The following SERPINB12 variants were observed in gnomAD, a reference collection of about 807,000 sequenced individuals.
The protein encoded by SERPINB12 is serpin family B member 12.
Under a neutral mutation model 41.1 loss-of-function variants are expected in SERPINB12, and 57 were observed. That is an observed-to-expected ratio of 1.39 (90% CI 1.12 to 1.73). The LOEUF is 1.73. Among genes scored for constraint, SERPINB12 ranks in the 40% most tolerant of loss-of-function variants. SERPINB12 has a pLI of 0.00. For missense variants in SERPINB12, 536 were observed against 501.9 expected, an observed-to-expected ratio of 1.07 and a Z score of -0.65; for synonymous variants, 180 against 181.3, an observed-to-expected ratio of 0.99 and a Z score of 0.06.
rs775302419 is a variant in SERPINB12, at chr18:63,558,365, A to G, written c.182A>G (p.Asn61Ser). 2.5e-6 allele frequency: 4 copies of G among 1,613,600 alleles called. No homozygotes were observed. The highest frequency in any genetic ancestry group is 3.4e-6 in the Non-Finnish European group (4 of 1,179,818). The change falls in exon 3 of 8, where the codon AAC (asparagine) becomes AGC (serine). Residue 61 changes from asparagine (N) to serine (S), a missense_variant. By Grantham distance (46) the Asn-to-Ser change is conservative. Coordinates refer to ENST00000382768, the MANE Select transcript of SERPINB12 (RefSeq NM_001307928.2). ...AHQIDEVLHF[N>S]EFSQNESKEP... ...GTTATCATGCAGGTACTACACTTCA[A>G]CGAATTTTCCCAGAATGAAAGCAAA...
chr18:63,551,578 T>C (rs905894630), intron 1 of SERPINB12, among the ~76,000 whole-genome samples: 1 of 152,174 alleles, frequency 6.6e-6, no homozygotes, highest in South Asian at 2.1e-4. Flanking sequence ...TCTTATGATG[T>C]GATGTGAGAT....
At position 63,562,519 on chromosome 18, in the gene SERPINB12, CCCTT is replaced by C. The variant is rs1910947052; in HGVS notation, c.562+1320_562+1323del. Among the ~76,000 whole-genome samples the C allele has an allele frequency of 2.0e-5, 3 of 152,170 alleles. No homozygotes were observed. The South Asian group carries it at 6.2e-4, about 32-fold the overall frequency. Reference sequence around the variant, plus strand: ...TACCAGAGTGACAGTTTCGGTTCCTCCCTTCCATTTGGTGGCTTTCTCTCCCTGT... The same window carrying C: ...TACCAGAGTGACAGTTTCGGTTCCTCCCATTTGGTGGCTTTCTCTCCCTGT... On this transcript the variant is annotated intron_variant, in intron 5 of 7. Coordinates refer to ENST00000382768, the MANE Select transcript of SERPINB12 (RefSeq NM_001307928.2).
At chr18:63,553,013 C>G (rs551765979) in intron 1 of SERPINB12, among the ~76,000 whole-genome samples, 1 of 152,000 alleles carries the variant, frequency 6.6e-6, no homozygotes, top group East Asian at 1.9e-4. Context: ...CTATTGTTCT[C>G]TCAACTCCCT....
chr18:63,541,761 AG>A (rs1910277259), upstream of SERPINB12, among the ~76,000 whole-genome samples: 1 of 152,098 alleles, frequency 6.6e-6, no homozygotes, highest in African/African-American at 2.4e-5. Flanking sequence ...GGTGAAGAGA[AG>A]GAACAGAGAC....
At position 63,567,261 on chromosome 18, in the gene SERPINB12, A is replaced by C. The variant is rs1911143721; in HGVS notation, c.*250A>C. On this transcript the variant is annotated 3_prime_UTR_variant, in exon 8 of 8. Transcript: ENST00000382768. Reference sequence around the variant, plus strand: ...TATAAATTCACCCTCTGTGACCTGAAGGTCAACACAATTCAGAACAGTACC... The same window carrying C: ...TATAAATTCACCCTCTGTGACCTGACGGTCAACACAATTCAGAACAGTACC... Among the ~76,000 whole-genome samples the C allele has an allele frequency of 6.6e-6, 1 of 152,174 alleles. No homozygotes were observed. The highest frequency in any genetic ancestry group is 2.1e-4 in the South Asian group (1 of 4,834).
In SERPINB12 at chr18:63,566,673, T is replaced by A. The variant is rs764515832; in HGVS notation, c.940T>A (p.Ser314Thr). Residue 314 changes from serine to threonine, a missense_variant, in exon 8 of 8, where the codon TCG (serine) becomes ACG (threonine). Ser to Thr is a moderately conservative substitution (Grantham distance 58). Transcript: ENST00000382768. ...CAGCTCAGAAAACATGTCAGAAGAA[T>A]CGGTGGTCCTGTCCTTCCCCCGGTT... is the stretch of plus-strand genomic sequence containing the variant. The part of the protein sequence containing the change: ...WSSSENMSEE[S>T]VVLSFPRFTL... The A allele has an allele frequency of 1.2e-6, 2 of 1,614,030 alleles. No homozygotes were observed. Among genetic ancestry groups the A allele is most frequent in the African/African-American group, 1.3e-5 (1 of 75,014 alleles).
chr18:63,537,167 C>T, the SERPINB12 span, among the ~76,000 whole-genome samples: 1 of 152,186 alleles, frequency 6.6e-6, no homozygotes. Flanking sequence ...TACATATCTA[C>T]ATCATGGACT....
rs1289833130 is a variant in SERPINB12, at chr18:63,565,491, G to T, written c.752G>T (p.Arg251Ile). 8 of 1,613,888 alleles carry T rather than the reference G, an allele frequency of 5.0e-6. No individual in the cohort carries two copies. The highest frequency in any genetic ancestry group is 6.8e-6 in the Non-Finnish European group (8 of 1,179,954). ...ATGATGACGCAAAAAGGCCTCTACAGAATTGGCTTCATAGAGGAGGTGAAG... is the reference window on the plus strand; with the variant it reads ...ATGATGACGCAAAAAGGCCTCTACATAATTGGCTTCATAGAGGAGGTGAAG... ...VKMMTQKGLY[R>I]IGFIEEVKAQ... The change falls in exon 7 of 8, where the codon AGA (arginine) becomes ATA (isoleucine). Residue 251 changes from arginine to isoleucine, a missense_variant. By Grantham distance (97) the Arg-to-Ile change is moderately conservative. Coordinates refer to ENST00000382768, the MANE Select transcript of SERPINB12 (RefSeq NM_001307928.2).
At chr18:63,561,839 A>C (rs1286711818) in intron 5 of SERPINB12, among the ~76,000 whole-genome samples, 1 of 152,194 alleles carries the variant, frequency 6.6e-6, no homozygotes, top group East Asian at 1.9e-4. Flanking sequence ...CATTGAGGAC[A>C]CACAGACATA....
At chr18:63,558,262 T>C (rs1910744220) in intron 2 of SERPINB12, 90 bp from the exon 3 acceptor site, 9 of 1,346,646 alleles carry the variant, frequency 6.7e-6, no homozygotes, top group Non-Finnish European at 9.1e-6. Context: ...ATGTAATCAT[T>C]GCCATTGTCT....
intron 4 of SERPINB12, among the ~76,000 whole-genome samples, chr18:63,560,213 G>T (rs1910856481): frequency 6.6e-6 from 1 of 152,228 alleles, no homozygotes; most frequent in African/African-American, 2.4e-5. Context: ...GGAGCTGAAA[G>T]GCACAGGACT....
rs1911169871 is a variant in SERPINB12, at chr18:63,567,956, C to T, written c.*945C>T. 7.0e-6 allele frequency among the ~76,000 whole-genome samples: 1 copy of T among 143,812 alleles called. No homozygotes were observed. The highest frequency in any genetic ancestry group is 1.5e-5 in the Non-Finnish European group (1 of 64,606). The allele number at this position is 143,812 out of a possible 152,430, so 94.3% of individuals were successfully genotyped here. A position where few individuals can be genotyped will look rare whatever the true frequency, so the allele number is the denominator to read the frequency against. ...GTGTGCCCCTCTCTCTGCCTTCTGG[C>T]CACGTGGAGGCTGGCCTCCGTGTGC... is the stretch of plus-strand genomic sequence containing the variant. On this transcript the variant is annotated 3_prime_UTR_variant, in exon 8 of 8. Coordinates refer to ENST00000382768, the MANE Select transcript of SERPINB12 (RefSeq NM_001307928.2).
chr18:63,535,017 G>A, the SERPINB12 span, among the ~76,000 whole-genome samples: 1 of 152,170 alleles, frequency 6.6e-6, no homozygotes, highest in Non-Finnish European at 1.5e-5. Context: ...GAGATGGAAA[G>A]CAAAATATAG....
intron 7 of SERPINB12, 36 bp from the exon 8 acceptor site, chr18:63,566,570 TA>T: frequency 6.4e-7 from 1 of 1,552,404 alleles, no homozygotes; most frequent in Non-Finnish European, 8.7e-7. Flanking sequence ...TGTGGTCCCA[TA>T]ATCTGATGCT....
At chr18:63,527,496 G>C in the SERPINB12 span, among the ~76,000 whole-genome samples, 2 of 152,320 alleles carry the variant, frequency 1.3e-5, no homozygotes. Context: ...TCTGGTGGGG[G>C]AAGTGGAAGC....
At chr18:63,519,777 C>T in the SERPINB12 span, among the ~76,000 whole-genome samples, 3 of 152,180 alleles carry the variant, frequency 2.0e-5, no homozygotes, top group Non-Finnish European at 2.9e-5. Flanking sequence ...TATGTCTCAG[C>T]ATCTCCTGAG....
At chr18:63,545,762 G>A (rs1482455960) in intron 1 of SERPINB12, among the ~76,000 whole-genome samples, 1 of 152,032 alleles carries the variant, frequency 6.6e-6, no homozygotes, top group Non-Finnish European at 1.5e-5. Flanking sequence ...GCTATGATGG[G>A]CAACATGAAG....
chr18:63,558,123 G>C (rs898606267), intron 2 of SERPINB12, among the ~76,000 whole-genome samples: 2 of 152,070 alleles, frequency 1.3e-5, no homozygotes, highest in African/African-American at 4.8e-5. Context: ...TGTTCTTTTA[G>C]TTTGGTTATA....
rs1455567 is a variant in SERPINB12, at chr18:63,547,066, T to C, written c.-19+4574T>C. On this transcript the variant is annotated intron_variant, in intron 1 of 7. Transcript: ENST00000382768. ...TGAAATAGAAGGATATACTTGTTTTTATTAAGTCAAATACTTAAAAAAAGT... is the reference window on the plus strand; with the variant it reads ...TGAAATAGAAGGATATACTTGTTTTCATTAAGTCAAATACTTAAAAAAAGT... Among the ~76,000 whole-genome samples the C allele has an allele frequency of 5.3e-5, 8 of 152,340 alleles. No individual in the cohort carries two copies. The East Asian group carries it at 1.5e-3, about 29-fold the overall frequency.
Sources: allele counts gnomAD v4.1 joint callset (sites outside exome capture counted in the v4.1 genomes callset), GRCh38; gene constraint gnomAD v4.1.1; transcripts MANE v1.5; gene names NCBI Gene and HGNC (gene_info 2026-07-23, HGNC 2026-07-21).